Variants in TOGARAM1 observed in about 807,000 individuals in gnomAD.
TOGARAM1 encodes TOG array regulator of axonemal microtubules 1.
Under a neutral mutation model 166.6 loss-of-function variants are expected in TOGARAM1, and 100 were observed. The ratio of observed to expected loss-of-function variants is 0.60; its 90% CI spans 0.51 to 0.71. TOGARAM1 has a LOEUF of 0.71. Among genes scored for constraint, TOGARAM1 ranks in the 30% least tolerant of loss-of-function variants. The pLI, the probability that TOGARAM1 is intolerant of heterozygous loss-of-function variation, is 0.00. For synonymous variants in TOGARAM1, 758 were observed against 763.8 expected (o/e 0.99, Z 0.13); for missense variants, 2,029 against 2,102.7 (o/e 0.96, Z 0.69).
intron 1 of TOGARAM1, among the ~76,000 whole-genome samples, chr14:44,977,398 C>A (rs1886259016): frequency 6.6e-6 from 1 of 151,942 alleles, no homozygotes; most frequent in Admixed American, 6.6e-5. Context: ...CCATGCCCAG[C>A]TAATTTTTTT....
intron 7 of TOGARAM1, among the ~76,000 whole-genome samples, 174 bp downstream of exon 7, chr14:45,012,249 A>T (rs563113960): frequency 6.6e-6 from 1 of 152,312 alleles, no homozygotes; most frequent in African/African-American, 2.4e-5. Flanking sequence ...TTTTGGAAGA[A>T]AAAAATATTT....
chr14:45,056,593 A>G (rs1376560146), intron 16 of TOGARAM1, among the ~76,000 whole-genome samples: 2 of 152,150 alleles, frequency 1.3e-5, no homozygotes, highest in Non-Finnish European at 2.9e-5. Context: ...GAATTTTATC[A>G]AATGCTTTTT....
Position 45,009,134 on chromosome 14 carries a change from G to A in TOGARAM1, c.3126G>A (p.Gly1042=). The change falls in exon 6 of 20, where the codon GGG becomes GGA. Residue 1042 remains glycine (G), a synonymous_variant. Coordinates refer to ENST00000361462, the MANE Select transcript of TOGARAM1 (RefSeq NM_001308120.2). ...LTSSLSTTPQ[G]KRIMSDIFPT... ...CTTCTCTGTCTACAACTCCCCAGGGGAAGAGAATAATGTATTTTATTTTTT... is the reference window on the plus strand; with the variant it reads ...CTTCTCTGTCTACAACTCCCCAGGGAAAGAGAATAATGTATTTTATTTTTT... The A allele has an allele frequency of 5.6e-6, 9 of 1,610,732 alleles. No individual in the cohort carries two copies. Among genetic ancestry groups the A allele is most frequent in the Non-Finnish European group, 7.6e-6 (9 of 1,177,394 alleles).
chr14:44,988,902 G>C (rs1886993130), intron 1 of TOGARAM1, among the ~76,000 whole-genome samples: 1 of 152,228 alleles, frequency 6.6e-6, no homozygotes, highest in Non-Finnish European at 1.5e-5. Context: ...GAACTTCAGT[G>C]ATTTTCAAGT....
At chr14:45,037,863 T>TAA (rs763216597) in intron 11 of TOGARAM1, among the ~76,000 whole-genome samples, 29 of 128,976 alleles carry the variant, frequency 2.2e-4, no homozygotes, top group African/African-American at 6.2e-4. Flanking sequence ...CCATCTCTAC[T>TAA]AAAAAAAAAA....
At chr14:44,988,786 G>A (rs574878236) in intron 1 of TOGARAM1, among the ~76,000 whole-genome samples, 3 of 152,158 alleles carry the variant, frequency 2.0e-5, no homozygotes, top group Admixed American at 1.3e-4. Context: ...AGTTGCTCTC[G>A]CTCACTTGAC....
At chr14:45,011,817 A>C in intron 6 of TOGARAM1, 158 bp from the exon 7 acceptor site, 1 of 538,098 alleles carries the variant, frequency 1.9e-6, no homozygotes, top group Non-Finnish European at 3.3e-6. Context: ...GTGTGTATAC[A>C]CACACACTGT....
At chr14:45,033,131 C>T (rs1423855929) in intron 11 of TOGARAM1, among the ~76,000 whole-genome samples, 3 of 151,646 alleles carry the variant, frequency 2.0e-5, no homozygotes, top group South Asian at 2.1e-4. Flanking sequence ...CAGGCACCTG[C>T]AGTCCCAGCT....
chr14:45,012,771 C>T (rs974902245), intron 7 of TOGARAM1, among the ~76,000 whole-genome samples: 1 of 152,082 alleles, frequency 6.6e-6, no homozygotes, highest in African/African-American at 2.4e-5. Context: ...TTATAATCAC[C>T]TTCCTAAAAA....
chr14:44,968,584 C>A (rs1885693039), intron 1 of TOGARAM1, among the ~76,000 whole-genome samples: 1 of 152,184 alleles, frequency 6.6e-6, no homozygotes, highest in South Asian at 2.1e-4. Context: ...AGGTTCTCAG[C>A]AACTTTCAAC....
At chr14:45,054,592 G>A in intron 16 of TOGARAM1, 43 bp downstream of exon 16, 1 of 1,334,600 alleles carries the variant, frequency 7.5e-7, no homozygotes, top group South Asian at 1.3e-5. Context: ...TTACTCCCTT[G>A]TGATAGTAGT....
At chr14:45,026,335 T>G (rs978697483) in intron 8 of TOGARAM1, among the ~76,000 whole-genome samples, 1 of 152,240 alleles carries the variant, frequency 6.6e-6, no homozygotes, top group Non-Finnish European at 1.5e-5. Flanking sequence ...AAAGCTATTT[T>G]CTATTTTAAT....
chr14:44,967,405 T>A (rs1317767891), intron 1 of TOGARAM1, among the ~76,000 whole-genome samples: 1 of 152,162 alleles, frequency 6.6e-6, no homozygotes, highest in Non-Finnish European at 1.5e-5. Flanking sequence ...ACCAACTACC[T>A]ACTAAGTAAA....
chr14:44,967,007 GT>G (rs61616302), intron 1 of TOGARAM1, among the ~76,000 whole-genome samples: 5 of 148,876 alleles, frequency 3.4e-5, no homozygotes, highest in South Asian at 4.3e-4. Flanking sequence ...CCTTACTTTG[GT>G]TTTTTTTTTC....
Position 45,035,362 on chromosome 14 carries a change from TA to T in TOGARAM1, c.3812+2998del, listed in dbSNP as rs879396379. Among the ~76,000 whole-genome samples, 412 of 133,052 alleles carry T rather than the reference TA, an allele frequency of 3.1e-3. 2 individuals are homozygous for T. Among genetic ancestry groups the T allele is most frequent in the African/African-American group, 7.6e-3 (275 of 36,236 alleles). 87.3% of individuals were successfully genotyped at this position (133,052 alleles called of 152,430 possible). A position where few individuals can be genotyped will look rare whatever the true frequency, so the allele number is the denominator to read the frequency against. On this transcript the variant is annotated intron_variant, in intron 11 of 19. Transcript: ENST00000361462. ...CAACAGGGTGAGACTCTGTCTCAAGTAAAAAAAAAAAATCAAAATGAAACAA... is the reference window on the plus strand; with the variant it reads ...CAACAGGGTGAGACTCTGTCTCAAGTAAAAAAAAAAATCAAAATGAAACAA...
At chr14:45,036,130 TAAAAAA>T (rs770145117) in intron 11 of TOGARAM1, among the ~76,000 whole-genome samples, 1 of 29,156 alleles carries the variant, frequency 3.4e-5, no homozygotes, top group Non-Finnish European at 9.1e-5. Flanking sequence ...ACCTTGTCTC[TAAAAAA>T]AAAAAAAAAA....
intron 13 of TOGARAM1, among the ~76,000 whole-genome samples, chr14:45,046,064 G>A (rs1882052431): frequency 6.6e-6 from 1 of 151,942 alleles, no homozygotes; most frequent in Admixed American, 6.6e-5. Context: ...TTTGGGGAAG[G>A]GATAAGTAAT....
At position 45,049,585 on chromosome 14, in the gene TOGARAM1, G is replaced by A. The variant is rs73350014; in HGVS notation, c.4314-2851G>A. Among the ~76,000 whole-genome samples the A allele has an allele frequency of 7.9e-3, 1,209 of 152,116 alleles. 21 individuals are homozygous for A. The highest frequency in any genetic ancestry group is 0.026 in the African/African-American group (1,088 of 41,494). On this transcript the variant is annotated intron_variant, in intron 14 of 19. Coordinates refer to ENST00000361462, the MANE Select transcript of TOGARAM1 (RefSeq NM_001308120.2). ...GAAAGTTCTCTTCTTTTAAGCGCTCGTTTGATTAGATTAATTCCACCAGAT... is the reference window on the plus strand; with the variant it reads ...GAAAGTTCTCTTCTTTTAAGCGCTCATTTGATTAGATTAATTCCACCAGAT...
chr14:44,970,706 T>TC (rs1481825835), intron 1 of TOGARAM1, among the ~76,000 whole-genome samples: 5 of 152,110 alleles, frequency 3.3e-5, no homozygotes, highest in Non-Finnish European at 2.9e-5. Context: ...TTGAGAAAGT[T>TC]CCCCCTGTAT....
Sources: allele counts gnomAD v4.1 joint callset (sites outside exome capture counted in the v4.1 genomes callset), GRCh38; gene constraint gnomAD v4.1.1; transcripts MANE v1.5; gene names NCBI Gene and HGNC (gene_info 2026-07-23, HGNC 2026-07-21).